Variants in MED13L observed in about 807,000 individuals in gnomAD.
The protein encoded by MED13L is mediator of RNA polymerase II transcription subunit 13-like.
In MED13L, 7 loss-of-function variants were observed where a neutral mutation model predicts 220.9. The observed-to-expected ratio is 0.03, with a 90% CI of 0.02 to 0.06. MED13L has a LOEUF of 0.06. Ranked by LOEUF, MED13L falls within the 10% of genes least tolerant of loss-of-function variation. The pLI, the probability that MED13L is intolerant of heterozygous loss-of-function variation, is 1.00. For synonymous variants in MED13L, 1,011 were observed against 1,015.2 expected (o/e 1.00, Z 0.08); for missense variants, 1,965 against 2,760.5 (o/e 0.71, Z 6.46).
intron 2 of MED13L, among the ~76,000 whole-genome samples, chr12:116,198,748 C>CGGTTAA (rs1593156613): frequency 6.6e-6 from 1 of 151,938 alleles, no homozygotes; most frequent in African/African-American, 2.4e-5. Context: ...ATTCCTCTTA[C>CGGTTAA]AGATCTTATG....
At chr12:116,181,278 T>C (rs1232215437) in intron 2 of MED13L, 2 of 151,118 alleles carry the variant, frequency 1.3e-5, no homozygotes, top group Non-Finnish European at 2.9e-5. Context: ...GTACACATCC[T>C]TTATAAATCA....
rs766487372 is a variant in MED13L, at chr12:115,969,010, T to C, written c.6155A>G (p.Asn2052Ser). The C allele has an allele frequency of 2.5e-6, 4 of 1,613,516 alleles. No homozygotes were observed. The highest frequency in any genetic ancestry group is 1.1e-5 in the South Asian group (1 of 91,048). The change falls in exon 28 of 31, where the codon AAC becomes AGC. Residue 2052 changes from asparagine to serine, a missense_variant. Asn to Ser is a conservative substitution (Grantham distance 46). Transcript: ENST00000281928. The stretch of plus-strand genomic sequence containing the variant: ...GCCTGGGGAGGGTACTGGGGAAGAG[T>C]TGGGAGAGGAATGGAGGTTCCCAGT... ...LMTGNLHSSPNSSPVPSPGSP... is the reference protein window; with the variant it reads ...LMTGNLHSSPSSSPVPSPGSP...
At chr12:116,240,904 T>C (rs1195331544) in intron 1 of MED13L, among the ~76,000 whole-genome samples, 7 of 151,866 alleles carry the variant, frequency 4.6e-5, no homozygotes, top group Admixed American at 3.9e-4. Context: ...TAAAAAGAAG[T>C]TGAAATCCAA....
intron 1 of MED13L, among the ~76,000 whole-genome samples, chr12:116,272,614 A>G (rs1387705475): frequency 2.0e-5 from 3 of 152,146 alleles, no homozygotes; most frequent in African/African-American, 7.2e-5. Flanking sequence ...CATAAATTCA[A>G]TAAATACATA....
At chr12:116,028,038 A>G (rs917954173) in intron 4 of MED13L, among the ~76,000 whole-genome samples, 4 of 152,232 alleles carry the variant, frequency 2.6e-5, no homozygotes, top group Non-Finnish European at 4.4e-5. Context: ...AGATGAACCA[A>G]TAGGGCTAAA....
intron 4 of MED13L, among the ~76,000 whole-genome samples, chr12:116,092,306 C>G (rs1224567553): frequency 6.6e-6 from 1 of 152,200 alleles, no homozygotes; most frequent in Admixed American, 6.5e-5. Context: ...CCTTCTCCGC[C>G]TTCTTATCTG....
intron 1 of MED13L, among the ~76,000 whole-genome samples, chr12:116,260,733 CA>C (rs1220778299): frequency 6.6e-6 from 1 of 152,148 alleles, no homozygotes; most frequent in Non-Finnish European, 1.5e-5. Flanking sequence ...CAAATCTGGC[CA>C]TTTCCACAAA....
rs112001437 is a variant in MED13L, at chr12:116,261,879, G to A, written c.72+15181C>T. ...TTCTCTCCATTCCTACTGGCCCTGCGTTATTTCTCACACCTAGACTGTTCT... is the reference window on the plus strand; with the variant it reads ...TTCTCTCCATTCCTACTGGCCCTGCATTATTTCTCACACCTAGACTGTTCT... On this transcript the variant is annotated intron_variant, in intron 1 of 30. Transcript: ENST00000281928. Among the ~76,000 whole-genome samples, 1,013 of 152,218 alleles carry A rather than the reference G, an allele frequency of 6.7e-3. 9 individuals are homozygous for A. The highest frequency in any genetic ancestry group is 0.023 in the African/African-American group (950 of 41,534).
At chr12:116,228,277 C>T (rs566487626) in intron 2 of MED13L, among the ~76,000 whole-genome samples, 18 of 152,250 alleles carry the variant, frequency 1.2e-4, no homozygotes, top group Admixed American at 8.5e-4. Flanking sequence ...GAAGATCTTG[C>T]TAAGATCATT....
At chr12:116,022,409 C>T (rs1467118117) in intron 5 of MED13L, 47 bp downstream of exon 5, 1 of 1,610,064 alleles carries the variant, frequency 6.2e-7, no homozygotes, top group Non-Finnish European at 8.5e-7. Context: ...AGATGGTTAT[C>T]CACTCGGTGG....
At chr12:115,970,550 C>A in intron 27 of MED13L, 44 bp downstream of exon 27, 1 of 1,593,448 alleles carries the variant, frequency 6.3e-7, no homozygotes. Context: ...TCCGGCTCTG[C>A]CCTGCATGAA....
At chr12:116,234,693 T>C (rs780045101) in intron 2 of MED13L, among the ~76,000 whole-genome samples, 1 of 152,192 alleles carries the variant, frequency 6.6e-6, no homozygotes, top group Non-Finnish European at 1.5e-5. Context: ...GGTGTCACTT[T>C]GTTGCCCAGG....
chr12:116,140,674 G>A (rs1269829716), intron 2 of MED13L, among the ~76,000 whole-genome samples: 1 of 152,116 alleles, frequency 6.6e-6, no homozygotes, highest in Non-Finnish European at 1.5e-5. Flanking sequence ...AAACTGGTTT[G>A]AAAACAAAAC....
chr12:116,216,646 G>C (rs1375448568), intron 2 of MED13L, among the ~76,000 whole-genome samples: 1 of 152,154 alleles, frequency 6.6e-6, no homozygotes, highest in South Asian at 2.1e-4. Flanking sequence ...GACTGCTGGG[G>C]GAAAACTGTG....
intron 4 of MED13L, 51 bp downstream of exon 4, chr12:116,096,618 C>T (rs947852370): frequency 7.4e-7 from 1 of 1,350,270 alleles, no homozygotes; most frequent in African/African-American, 1.4e-5. Context: ...GCTGTTCACC[C>T]ACCCACAAGG....
Position 116,115,430 on chromosome 12 carries a change from G to A in MED13L, c.311-3918C>T, listed in dbSNP as rs772751099. ...ATAGGAGATAAATTTTGGGAGCTTA[G>A]GGTAGGCAAAGATTTCTTAGATATG... On this transcript the variant is annotated intron_variant, in intron 2 of 30. Transcript: ENST00000281928. 1.8e-4 allele frequency among the ~76,000 whole-genome samples: 27 copies of A among 151,994 alleles called. 1 individual carries two copies. Among genetic ancestry groups the A allele is most frequent in the Non-Finnish European group, 3.2e-4 (22 of 67,994 alleles).
intron 4 of MED13L, among the ~76,000 whole-genome samples, chr12:116,026,418 T>C (rs1290770268): frequency 1.3e-5 from 2 of 152,292 alleles, no homozygotes; most frequent in Admixed American, 6.5e-5. Flanking sequence ...ATAGAAGTTA[T>C]AGTGGAAATA....
intron 3 of MED13L, among the ~76,000 whole-genome samples, chr12:116,103,695 C>T (rs768266182): frequency 6.6e-6 from 1 of 152,214 alleles, no homozygotes; most frequent in Non-Finnish European, 1.5e-5. Flanking sequence ...TCTTTCTAGA[C>T]ATTTACAAAT....
intron 1 of MED13L, among the ~76,000 whole-genome samples, chr12:116,256,830 C>T (rs1044502744): frequency 1.3e-5 from 2 of 151,766 alleles, no homozygotes; most frequent in Admixed American, 1.3e-4. Flanking sequence ...GGACTACAGA[C>T]GTGCGCCACC....
Sources: gnomAD v4.1 joint callset for allele counts (sites outside exome capture counted in the v4.1 genomes callset) on GRCh38, gnomAD v4.1.1 for gene constraint, MANE v1.5 for transcripts, NCBI Gene and HGNC (gene_info 2026-07-23, HGNC 2026-07-21) for gene names.